Variants in SHLD2 observed in about 807,000 individuals in gnomAD.
SHLD2 encodes the protein RINN1-REV7-interacting novel NHEJ regulator 2.
SHLD2 carries 30 observed loss-of-function variants against 73.2 expected under a neutral mutation model. The ratio of observed to expected loss-of-function variants is 0.41; its 90% CI spans 0.31 to 0.56. The LOEUF (loss-of-function observed/expected upper bound fraction) is 0.56, where lower values mean the gene tolerates loss of function less well. Ranked by LOEUF, SHLD2 falls within the 20% of genes least tolerant of loss-of-function variation. The probability of loss-of-function intolerance (pLI) is 0.28; values close to 1 mark genes in which losing one functional copy is unlikely to be tolerated. For missense variants in SHLD2, 745 were observed against 1,055.9 expected (o/e 0.71, Z 4.08); for synonymous variants, 285 against 370.1 (o/e 0.77, Z 2.64).
chr10:87,130,697 G>T (rs1466561803), intron 2 of SHLD2, among the ~76,000 whole-genome samples: 1 of 152,148 alleles, frequency 6.6e-6, no homozygotes, highest in Non-Finnish European at 1.5e-5. Flanking sequence ...TTTCCATACT[G>T]CTGGTTTCTT....
Position 87,151,763 on chromosome 10 carries a change from A to G in SHLD2, c.409A>G (p.Lys137Glu). The part of the protein sequence containing the change: ...STVPHFTEEE[K>E]YQKLLSENKI... ...AGTTCCGCATTTCACCGAAGAAGAAAAGTATCAAAAGCTTCTCAGTGAAAA... is the reference window on the plus strand; with the variant it reads ...AGTTCCGCATTTCACCGAAGAAGAAGAGTATCAAAAGCTTCTCAGTGAAAA... The change falls in exon 3 of 10, where the codon AAG becomes GAG. Residue 137 changes from lysine to glutamate, a missense_variant. Lys to Glu is a moderately conservative substitution (Grantham distance 56). Coordinates refer to ENST00000298786, the MANE Select transcript of SHLD2 (RefSeq NM_001330112.2). 1 of 1,612,002 alleles carries G rather than the reference A, an allele frequency of 6.2e-7. No homozygotes were observed. Among genetic ancestry groups the G allele is most frequent in the South Asian group, 1.1e-5 (1 of 90,986 alleles).
At chr10:87,094,487 C>T, upstream of SHLD2, 1 of 1,613,668 alleles carries the variant, frequency 6.2e-7, no homozygotes, top group Non-Finnish European at 8.5e-7. This position sits in a 1 kb window ranked among gnomAD's most constrained non-coding sequence, Gnocchi z 6.6. Context: ...TTCTGCTCCT[C>T]GCTCTCCCGG....
intron 4 of SHLD2, among the ~76,000 whole-genome samples, chr10:87,162,697 G>T (rs939614418): frequency 6.6e-6 from 1 of 151,956 alleles, no homozygotes; most frequent in Non-Finnish European, 1.5e-5. Context: ...AAAAAGAGAT[G>T]AACAGTCAGT....
intron 4 of SHLD2, among the ~76,000 whole-genome samples, chr10:87,169,627 G>T (rs561361255): frequency 6.6e-6 from 1 of 151,456 alleles, no homozygotes; most frequent in African/African-American, 2.4e-5. Flanking sequence ...ATCTTATTTT[G>T]GTCAGCAATC....
At chr10:87,152,948 C>G (rs529886592) in intron 3 of SHLD2, 69 bp downstream of exon 3, 1 of 1,419,380 alleles carries the variant, frequency 7.0e-7, no homozygotes, top group African/African-American at 1.4e-5. Flanking sequence ...TGTTTTTCTC[C>G]CACTTAGTCT....
intron 4 of SHLD2, among the ~76,000 whole-genome samples, chr10:87,168,611 T>A (rs977810788): frequency 1.4e-4 from 21 of 149,034 alleles, no homozygotes; most frequent in African/African-American, 4.5e-4. Flanking sequence ...AAAAAATAAA[T>A]AAATAAATAA....
At chr10:87,098,454 A>G (rs531824077) in intron 2 of SHLD2, among the ~76,000 whole-genome samples, 4 of 150,982 alleles carry the variant, frequency 2.6e-5, no homozygotes, top group African/African-American at 9.7e-5. Context: ...CGGAGGTTTC[A>G]GTGAGCTGAG....
chr10:87,099,768 A>G (rs1219351245), intron 2 of SHLD2, among the ~76,000 whole-genome samples: 1 of 152,210 alleles, frequency 6.6e-6, no homozygotes, highest in Non-Finnish European at 1.5e-5. Flanking sequence ...TGAAGGTTCC[A>G]ATTTCTCTAC....
At chr10:87,149,155 G>T (rs11202346) in intron 2 of SHLD2, among the ~76,000 whole-genome samples, 102,912 of 151,106 alleles carry the variant, frequency 0.68, 35,805 homozygotes, top group Middle Eastern at 0.89. Flanking sequence ...CTCAAAGTGC[G>T]GGGATTACAG....
chr10:87,188,605 G>A (rs1195647930), intron 9 of SHLD2, among the ~76,000 whole-genome samples: 83 of 152,276 alleles, frequency 5.5e-4, no homozygotes, highest in African/African-American at 1.8e-3. Flanking sequence ...GCTGACACTG[G>A]CAGTTCATTG....
upstream of SHLD2, chr10:87,094,821 T>C: frequency 7.2e-7 from 1 of 1,388,710 alleles, no homozygotes; most frequent in Non-Finnish European, 9.8e-7. The surrounding 1 kb of genome is among the most constrained non-coding windows in gnomAD (Gnocchi z 6.6). Context: ...GCGCGCTTTC[T>C]CAGACTCCCC....
At chr10:87,156,444 T>A (rs1269101811) in intron 3 of SHLD2, among the ~76,000 whole-genome samples, 1 of 152,142 alleles carries the variant, frequency 6.6e-6, no homozygotes, top group Admixed American at 6.5e-5. Context: ...CTATTATAAC[T>A]TCTAGCAATA....
Position 87,176,100 on chromosome 10 carries a change from G to A in SHLD2, c.2170+5G>A, listed in dbSNP as rs1412823909. 5.2e-6 allele frequency: 8 copies of A among 1,548,242 alleles called. No individual in the cohort carries two copies. The highest frequency in any genetic ancestry group is 7.0e-6 in the Non-Finnish European group (8 of 1,146,754). On this transcript the variant is annotated splice_donor_5th_base_variant and intron_variant, in intron 7 of 9. Transcript: ENST00000298786. ...ACCTAGAGGATAAGTGTTCAGGTAAGATCTTTATATACATAAATTCTGCTA... is the reference window on the plus strand; with the variant it reads ...ACCTAGAGGATAAGTGTTCAGGTAAAATCTTTATATACATAAATTCTGCTA...
At chr10:87,155,510 T>A (rs894155809) in intron 3 of SHLD2, among the ~76,000 whole-genome samples, 1 of 134,592 alleles carries the variant, frequency 7.4e-6, no homozygotes, top group African/African-American at 3.5e-5. Flanking sequence ...AAAAAAAAAT[T>A]TTTTTTTCTT....
chr10:87,157,079 G>C (rs1480878103), intron 3 of SHLD2, among the ~76,000 whole-genome samples: 2 of 152,124 alleles, frequency 1.3e-5, no homozygotes, highest in Non-Finnish European at 2.9e-5. Flanking sequence ...GATGACTTCA[G>C]ATGTTAGTTT....
At chr10:87,147,072 G>C (rs868759837) in intron 2 of SHLD2, among the ~76,000 whole-genome samples, 31 of 95,366 alleles carry the variant, frequency 3.3e-4, no homozygotes, top group East Asian at 2.3e-3. Context: ...AAAAAAAAAA[G>C]AAAAAAAAAA....
At chr10:87,155,768 G>A (rs3129499) in intron 3 of SHLD2, among the ~76,000 whole-genome samples, 1 of 152,066 alleles carries the variant, frequency 6.6e-6, no homozygotes, top group African/African-American at 2.4e-5. Flanking sequence ...TGTTAACAAC[G>A]AGGTAACATT....
At chr10:87,154,843 G>A (rs11202351) in intron 3 of SHLD2, among the ~76,000 whole-genome samples, 47,009 of 152,082 alleles carry the variant, frequency 0.31, 7,867 homozygotes, top group South Asian at 0.43. Context: ...AGAAAACTTC[G>A]AAGCAATATT....
intron 7 of SHLD2, 147 bp downstream of exon 7, chr10:87,176,242 C>G (rs2134650153): frequency 8.1e-7 from 1 of 1,237,754 alleles, no homozygotes; most frequent in East Asian, 2.5e-5. Context: ...CCCGTTCAGC[C>G]TTTCGCGTAG....
Sources: allele counts gnomAD v4.1 joint callset (sites outside exome capture counted in the v4.1 genomes callset), GRCh38; gene constraint gnomAD v4.1.1; non-coding constraint Gnocchi (gnomAD v3.1); transcripts MANE v1.5; gene names NCBI Gene and HGNC (gene_info 2026-07-23, HGNC 2026-07-21).